Variants in MYO15B observed in about 807,000 individuals in gnomAD.
MYO15B encodes the protein myosin XVB pseudogene.
In MYO15B, 207 loss-of-function variants were observed where a neutral mutation model predicts 119.3. The observed-to-expected ratio is 1.73, with a 90% CI of 1.55 to 1.95. MYO15B has a LOEUF of 1.95. Among genes scored for constraint, MYO15B ranks in the 30% most tolerant of loss-of-function variants. The pLI is 0.00. For missense variants in MYO15B, 2,264 were observed against 1,203.1 expected, an observed-to-expected ratio of 1.88 and a Z score of -13.04; for synonymous variants, 966 against 498.9, an observed-to-expected ratio of 1.94 and a Z score of -12.48.
chr17:75,595,340 G>A lies in MYO15B; in HGVS notation c.3297+368G>A, dbSNP rs371480752. The stretch of plus-strand genomic sequence containing the variant: ...GGTCCTGGGCTGGGCAGCCTGGGCC[G>A]GGAGTGCTCCTGGCTTCTCTGGGAT... On this transcript the variant is annotated intron_variant, in intron 12 of 63. Transcript: ENST00000645453. 1.1e-4 allele frequency among the ~76,000 whole-genome samples: 17 copies of A among 152,234 alleles called. No homozygotes were observed. In the East Asian group the frequency reaches 2.5e-3, roughly 23 times the overall value.
chr17:75,610,083 G>A (rs1370043678), intron 21 of MYO15B, 83 bp from the exon 22 acceptor site: 4 of 564,822 alleles, frequency 7.1e-6, no homozygotes, highest in Non-Finnish European at 9.7e-6. Flanking sequence ...TTACATGAAT[G>A]TCAGGCTTAA....
chr17:75,588,562 G>C (rs1321561448), exon 1 of MYO15B: 4 of 398,788 alleles, frequency 1.0e-5, no homozygotes, highest in Non-Finnish European at 1.8e-5. Context: ...CGAGGCCCAG[G>C]AGAGCGGCAG....
chr17:75,626,806 A>G, exon 64 of MYO15B: 1 of 488,744 alleles, frequency 2.0e-6, no homozygotes, highest in Non-Finnish European at 3.7e-6. Context: ...AAGCCCAGGC[A>G]TGGGAGAAAC....
chr17:75,617,290 C>G lies in MYO15B; in HGVS notation c.6800C>G (p.Ser2267Ter). The G allele has an allele frequency of 1.5e-6, 1 of 649,240 alleles. No homozygotes were observed. The highest frequency in any genetic ancestry group is 2.8e-6 in the Non-Finnish European group (1 of 360,242). The allele number at this position is 649,240 out of a possible 1,614,324, so 40.2% of individuals were successfully genotyped here. A position where few individuals can be genotyped will look rare whatever the true frequency, so the allele number is the denominator to read the frequency against. ...CTGCCCGAGGACCCAGGGACCCTTT[C>G]AGCAGAGCGTCGTTGTAAGGAACCA... The change falls in exon 41 of 64, where the codon TCA (serine) becomes TGA (stop). Residue 2267 changes from serine to a stop codon, truncating the protein, a stop_gained. Coordinates refer to ENST00000645453, the Ensembl canonical transcript of MYO15B. LOFTEE classifies it high-confidence loss of function.
chr17:75,590,990 C>G, exon 3 of MYO15B: 1 of 581,974 alleles, frequency 1.7e-6, no homozygotes, highest in Non-Finnish European at 3.1e-6. Flanking sequence ...CAAGCTACCA[C>G]CCCAGGAAGG....
At chr17:75,591,190 G>A in exon 4 of MYO15B, 1 of 702,938 alleles carries the variant, frequency 1.4e-6, no homozygotes, top group South Asian at 1.5e-5. Flanking sequence ...TTGCCATCGT[G>A]GCATCAGCCT....
chr17:75,596,652 C>T (rs75861410), intron 13 of MYO15B, 97 bp downstream of exon 13: 3 of 681,492 alleles, frequency 4.4e-6, no homozygotes, highest in East Asian at 2.7e-5. Flanking sequence ...GAGAGCTCTG[C>T]CTGGAAGGCC....
At position 75,624,065 on chromosome 17, in the gene MYO15B, G is replaced by C. The variant is rs1318127453; in HGVS notation, c.8272+1G>C. 1 of 703,096 alleles carries C rather than the reference G, an allele frequency of 1.4e-6. No individual in the cohort carries two copies. The highest frequency in any genetic ancestry group is 2.6e-6 in the Non-Finnish European group (1 of 385,016). The allele number at this position is 703,096 out of a possible 1,614,324, so 43.6% of individuals were successfully genotyped here. A position where few individuals can be genotyped will look rare whatever the true frequency, so the allele number is the denominator to read the frequency against. ...CTGCAGGATTCAGGCCCCAGCCAAG[G>C]TGCCCGTGGGAAGGGGAGATGGAGG... On this transcript the variant is annotated splice_donor_variant, in intron 55 of 63. Coordinates refer to ENST00000645453, the Ensembl canonical transcript of MYO15B. LOFTEE classifies it high-confidence loss of function.
intron 1 of MYO15B, 46 bp downstream of exon 1, chr17:75,590,289 C>G (rs555463736): frequency 7.5e-6 from 3 of 398,946 alleles, no homozygotes; most frequent in African/African-American, 2.1e-5. Flanking sequence ...CTCACAGCTC[C>G]TCATATCCAC....
At chr17:75,605,400 G>A (rs375185917) in intron 19 of MYO15B, 104 bp from the exon 20 acceptor site, 1 of 624,180 alleles carries the variant, frequency 1.6e-6, no homozygotes, top group South Asian at 1.9e-5. Context: ...TCGCGCCACT[G>A]TACTCCCGCC....
rs559011304 is a variant in MYO15B, at chr17:75,624,797, G to A, written c.8569G>A (p.Ala2857Thr). 4.1e-5 allele frequency: 29 copies of A among 702,902 alleles called. No homozygotes were observed. In the East Asian group the frequency reaches 6.4e-4, roughly 16 times the overall value. The allele number at this position is 702,902 out of a possible 1,614,324, so 43.5% of individuals were successfully genotyped here. Residue 2857 changes from alanine to threonine, a missense_variant, in exon 59 of 64, where the codon GCC (alanine) becomes ACC (threonine). Coordinates refer to ENST00000645453, the Ensembl canonical transcript of MYO15B. ...CCAGCTGGTGCGGCCCCTGCAGCCC[G>A]CCGAATACCTCAACAGCGTGGTAGT...
At chr17:75,624,178 T>C (rs1408519821) in exon 56 of MYO15B, 1 of 702,926 alleles carries the variant, frequency 1.4e-6, no homozygotes, top group Non-Finnish European at 2.6e-6. Flanking sequence ...TCTGCAGAGC[T>C]GGCCCGGAGC....
At chr17:75,611,999 G>A (rs905483424) in exon 25 of MYO15B, 20 of 702,950 alleles carry the variant, frequency 2.8e-5, no homozygotes, top group South Asian at 1.2e-4. Context: ...CTCCAGCTTC[G>A]TCGCCATCGG....
rs2056333204 is a variant in MYO15B, at chr17:75,589,965, C to T, written c.1908C>T (p.Arg636=). The change falls in exon 1 of 64, where the codon CGC becomes CGT. Residue 636 remains arginine (R), a synonymous_variant. Coordinates refer to ENST00000645453, the Ensembl canonical transcript of MYO15B. The surrounding 1 kb of genome is among the most constrained non-coding windows in gnomAD (Gnocchi z 4.2). ...CCCTCAATGACGAGCCCCCGGTGCG[C>T]TGGGCGCAGGGCTCAGGCCCCCACG... 1 of 398,622 alleles carries T rather than the reference C, an allele frequency of 2.5e-6. No individual in the cohort carries two copies. The highest frequency in any genetic ancestry group is 2.1e-5 in the African/African-American group (1 of 48,626). 24.7% of individuals were successfully genotyped at this position (398,622 alleles called of 1,614,324 possible). A position where few individuals can be genotyped will look rare whatever the true frequency, so the allele number is the denominator to read the frequency against.
chr17:75,587,984 C>G, exon 1 of MYO15B: 1 of 397,736 alleles, frequency 2.5e-6, no homozygotes, highest in Non-Finnish European at 4.4e-6. Flanking sequence ...CACAGAAGGT[C>G]ACCGCGGGAG....
At chr17:75,617,653 G>A (rs775013394) in intron 41 of MYO15B, 157 bp from the exon 42 acceptor site, 20 of 592,430 alleles carry the variant, frequency 3.4e-5, no homozygotes, top group Non-Finnish European at 5.7e-5. Flanking sequence ...CCAAAATGGA[G>A]GCAGGAGATG....
chr17:75,598,722 C>T (rs1200845756), intron 14 of MYO15B, among the ~76,000 whole-genome samples: 1 of 151,994 alleles, frequency 6.6e-6, no homozygotes, highest in African/African-American at 2.4e-5. Flanking sequence ...TATGTAAAGT[C>T]TTGTACTAGA....
chr17:75,625,548 G>C, exon 61 of MYO15B: 2 of 703,128 alleles, frequency 2.8e-6, no homozygotes, highest in Non-Finnish European at 5.2e-6. Flanking sequence ...TAGCTTACGT[G>C]CCAAAGCAGC....
In MYO15B at chr17:75,589,466, GT is replaced by G; in HGVS notation, c.1410del (p.His471ThrfsTer27). On this transcript the variant is annotated frameshift_variant, in exon 1 of 64. Transcript: ENST00000645453. LOFTEE classifies it high-confidence loss of function. This position sits in a 1 kb window ranked among gnomAD's most constrained non-coding sequence, Gnocchi z 4.2. ...TGCGGGAAAGCGGACGAGGGGCGGG[GT>G]CACGAGAGAGGTGACGAGGGCCGGG... The G allele has an allele frequency of 5.0e-6, 2 of 397,820 alleles. No individual in the cohort carries two copies. Among genetic ancestry groups the G allele is most frequent in the Non-Finnish European group, 8.9e-6 (2 of 225,976 alleles). 24.6% of individuals were successfully genotyped at this position (397,820 alleles called of 1,614,324 possible).
Sources: gnomAD v4.1 joint callset for allele counts (sites outside exome capture counted in the v4.1 genomes callset) on GRCh38, gnomAD v4.1.1 for gene constraint, Gnocchi (gnomAD v3.1) non-coding constraint, MANE v1.5 for transcripts, NCBI Gene and HGNC (gene_info 2026-07-23, HGNC 2026-07-21) for gene names.